The following PLCB1 variants were observed in gnomAD, a reference collection of about 807,000 sequenced individuals.
The protein encoded by PLCB1 is 1-phosphatidylinositol 4,5-bisphosphate phosphodiesterase beta-1.
In PLCB1, 46 loss-of-function variants were observed where a neutral mutation model predicts 161.8. That is an observed-to-expected ratio of 0.28 (90% confidence interval 0.22 to 0.36). The LOEUF is 0.36. PLCB1 is among the 10% of genes least tolerant of loss of function. The pLI is 1.00. For missense variants in PLCB1, 1,016 were observed against 1,472.5 expected (o/e 0.69, Z 5.07); for synonymous variants, 517 against 503.7 (o/e 1.03, Z -0.35).
intron 5 of PLCB1, among the ~76,000 whole-genome samples, chr20:8,647,201 TA>T (rs760208401): frequency 2.6e-5 from 4 of 152,212 alleles, no homozygotes; most frequent in African/African-American, 2.4e-5. Context: ...ATCCTTCTTC[TA>T]GAATATGTTT....
At chr20:8,445,835 T>C (rs1980797537) in intron 3 of PLCB1, among the ~76,000 whole-genome samples, 2 of 152,112 alleles carry the variant, frequency 1.3e-5, no homozygotes, top group African/African-American at 4.8e-5. Context: ...CACTCATGAT[T>C]TGGCTCTCTG....
rs766472990 is a variant in PLCB1 at position 8,372,805 on chromosome 20, A to G, written c.246+1355A>G. On this transcript the variant is annotated intron_variant, in intron 3 of 31. Transcript: ENST00000338037. ...CAAGAACTATATTGATAATGCAGCT[A>G]TGAAATTTATCTTTGAACCTAAGTT... 7.2e-5 allele frequency among the ~76,000 whole-genome samples: 11 copies of G among 152,212 alleles called. No homozygotes were observed. The East Asian group carries it at 1.5e-3, about 21-fold the overall frequency.
intron 1 of PLCB1, among the ~76,000 whole-genome samples, chr20:8,134,421 T>C (rs1031820825): frequency 3.3e-5 from 5 of 152,260 alleles, no homozygotes; most frequent in African/African-American, 1.2e-4. Flanking sequence ...GATTCTAAAC[T>C]GTATTTTAAA....
rs1456486213 is a variant in PLCB1 at position 8,697,832 on chromosome 20, C to CCTTT, written c.1167+50_1167+53dup. 6 of 1,571,488 alleles carry CCTTT rather than the reference C, an allele frequency of 3.8e-6. No homozygotes were observed. The South Asian group carries it at 6.8e-5, about 18-fold the overall frequency. On this transcript the variant is annotated intron_variant, in intron 11 of 31. Transcript: ENST00000338037. ...GAGAGGCAGCTGGAGACACCTGATT[C>CCTTT]CTTTTGGTTAAAGCCTCCTAAGGTA...
intron 2 of PLCB1, among the ~76,000 whole-genome samples, chr20:8,266,552 A>G (rs915112760): frequency 2.0e-5 from 3 of 152,214 alleles, no homozygotes; most frequent in African/African-American, 7.2e-5. Context: ...AGGGAGCTAC[A>G]AAGTTATAGG....
intron 3 of PLCB1, among the ~76,000 whole-genome samples, chr20:8,625,634 AT>A (rs1032332231): frequency 2.2e-4 from 33 of 152,216 alleles, no homozygotes; most frequent in African/African-American, 8.0e-4. Flanking sequence ...TCAGAACTAT[AT>A]GGTTTTAAAA....
At position 8,256,796 on chromosome 20, in the gene PLCB1, C is replaced by T. The variant is rs149839226; in HGVS notation, c.177+106425C>T. ...ACCCTCTTTCCTGCTTCTGGCTGAG[C>T]TCCTACTAAAAAGAAGATTAATGTG... On this transcript the variant is annotated intron_variant, in intron 2 of 31. Coordinates refer to ENST00000338037, the MANE Select transcript of PLCB1 (RefSeq NM_015192.4). 3.7e-4 allele frequency: 57 copies of T among 152,170 alleles called. 1 individual carries two copies. Among genetic ancestry groups the T allele is most frequent in the African/African-American group, 1.3e-3 (56 of 41,538 alleles). 9.4% of individuals were successfully genotyped at this position (152,170 alleles called of 1,614,324 possible).
intron 2 of PLCB1, among the ~76,000 whole-genome samples, chr20:8,308,594 G>A (rs1984242773): frequency 6.8e-6 from 1 of 146,422 alleles, no homozygotes; most frequent in African/African-American, 2.5e-5. Flanking sequence ...TGCAGTCTGG[G>A]CAACAGAGCG....
At chr20:8,714,024 G>A (rs981987358) in intron 12 of PLCB1, among the ~76,000 whole-genome samples, 1 of 152,056 alleles carries the variant, frequency 6.6e-6, no homozygotes, top group Non-Finnish European at 1.5e-5. Context: ...TTCACTCCAG[G>A]TGTTTGATCA....
At chr20:8,520,599 A>G (rs1984310812) in intron 3 of PLCB1, among the ~76,000 whole-genome samples, 1 of 152,182 alleles carries the variant, frequency 6.6e-6, no homozygotes, top group Non-Finnish European at 1.5e-5. Flanking sequence ...ATACAAACTC[A>G]TCTAACATCC....
chr20:8,699,929 G>A (rs1445871610), intron 11 of PLCB1, among the ~76,000 whole-genome samples: 2 of 152,190 alleles, frequency 1.3e-5, no homozygotes, highest in Non-Finnish European at 2.9e-5. Context: ...TCCTGAAATT[G>A]AGCATGATTA....
At chr20:8,225,814 A>T (rs74425210) in intron 2 of PLCB1, among the ~76,000 whole-genome samples, 1 of 152,356 alleles carries the variant, frequency 6.6e-6, no homozygotes, top group Non-Finnish European at 1.5e-5. Flanking sequence ...AGGATATAAC[A>T]ATACAGCTGA....
intron 31 of PLCB1, chr20:8,792,229 T>C (rs1375197620): frequency 1.1e-5 from 2 of 180,828 alleles, no homozygotes; most frequent in East Asian, 1.3e-4. Flanking sequence ...ACATCCCCTC[T>C]AGCTGGTGTT....
chr20:8,247,361 A>G (rs1330441360), intron 2 of PLCB1, among the ~76,000 whole-genome samples: 1 of 151,896 alleles, frequency 6.6e-6, no homozygotes, highest in Non-Finnish European at 1.5e-5. Flanking sequence ...TAACTCATTC[A>G]TTCAACATAT....
rs114552802 is a variant in PLCB1 at position 8,794,497 on chromosome 20, A to G, written c.3423+4236A>G. On this transcript the variant is annotated intron_variant, in intron 31 of 31. Transcript: ENST00000338037. The stretch of plus-strand genomic sequence containing the variant: ...GATGAAGTTTTTTAACTAGAAAGTG[A>G]TCATAGCTAAGTTTTTGCAGACACC... Among the ~76,000 whole-genome samples, 1,237 of 152,284 alleles carry G rather than the reference A, an allele frequency of 8.1e-3. 23 individuals carry two copies. Among genetic ancestry groups the G allele is most frequent in the African/African-American group, 0.027 (1,130 of 41,554 alleles).
intron 31 of PLCB1, among the ~76,000 whole-genome samples, chr20:8,854,194 G>A (rs1986985524): frequency 6.6e-6 from 1 of 152,074 alleles, no homozygotes. Flanking sequence ...AAACTCAATT[G>A]CACAGTCCTC....
rs764014646 is a variant in PLCB1 at position 8,646,104 on chromosome 20, A to G, written c.387A>G (p.Glu129=). The G allele has an allele frequency of 5.0e-6, 8 of 1,605,396 alleles. No individual in the cohort carries two copies. The highest frequency in any genetic ancestry group is 1.3e-5 in the African/African-American group (1 of 74,776). The change falls in exon 5 of 32, where the codon GAA becomes GAG. Residue 129 remains glutamate, a splice_region_variant and synonymous_variant. Coordinates refer to ENST00000338037, the MANE Select transcript of PLCB1 (RefSeq NM_015192.4). ...LVAFQEEVAK[E]WTNEVFSLAT... ...CAAGTGTTATTTACATTTTTCAGGAATGGACAAATGAGGTTTTCAGTTTGG... is the reference window on the plus strand; with the variant it reads ...CAAGTGTTATTTACATTTTTCAGGAGTGGACAAATGAGGTTTTCAGTTTGG...
chr20:8,225,942 C>A (rs2123172091), intron 2 of PLCB1, among the ~76,000 whole-genome samples: 1 of 152,304 alleles, frequency 6.6e-6, no homozygotes. Context: ...ACGTTTAAAA[C>A]TTTTTCAGCC....
At chr20:8,400,220 A>G (rs1329943023) in intron 3 of PLCB1, among the ~76,000 whole-genome samples, 1 of 152,136 alleles carries the variant, frequency 6.6e-6, no homozygotes, top group African/African-American at 2.4e-5. Context: ...TGTCAGTTTC[A>G]CTTCCTCTTA....
Sources: gnomAD v4.1 joint callset for allele counts (sites outside exome capture counted in the v4.1 genomes callset) on GRCh38, gnomAD v4.1.1 for gene constraint, MANE v1.5 for transcripts, NCBI Gene and HGNC (gene_info 2026-07-23, HGNC 2026-07-21) for gene names.